CTNND2: variants seen among roughly 807,000 people sequenced by gnomAD.
The protein encoded by CTNND2 is catenin delta 2.
Under a neutral mutation model 144.4 loss-of-function variants are expected in CTNND2, and 22 were observed. That is an observed-to-expected ratio of 0.15 (90% CI 0.11 to 0.22). CTNND2 has a LOEUF of 0.22. Ranked by LOEUF, CTNND2 falls within the 10% of genes least tolerant of loss-of-function variation. CTNND2 has a pLI of 1.00. For missense variants in CTNND2, 1,353 were observed against 1,618.8 expected, an observed-to-expected ratio of 0.84 and a Z score of 2.82; for synonymous variants, 751 against 695.6, an observed-to-expected ratio of 1.08 and a Z score of -1.25.
At chr5:11,271,328 A>C (rs772621300) in intron 9 of CTNND2, among the ~76,000 whole-genome samples, 4 of 152,366 alleles carry the variant, frequency 2.6e-5, no homozygotes, top group Non-Finnish European at 5.9e-5. Flanking sequence ...AGAACTAGAT[A>C]ATCATGCATA....
At chr5:11,596,146 T>C (rs1263184224) in intron 2 of CTNND2, among the ~76,000 whole-genome samples, 1 of 152,230 alleles carries the variant, frequency 6.6e-6, no homozygotes, top group Non-Finnish European at 1.5e-5. Flanking sequence ...GCATCTATCA[T>C]ATTTTATCCT....
intron 1 of CTNND2, among the ~76,000 whole-genome samples, chr5:11,853,971 G>A (rs978381335): frequency 5.3e-5 from 8 of 152,156 alleles, no homozygotes; most frequent in Non-Finnish European, 8.8e-5. Flanking sequence ...TCATCAGACT[G>A]ATCCAAGTCT....
intron 9 of CTNND2, among the ~76,000 whole-genome samples, chr5:11,265,215 CA>C (rs1178891620): frequency 6.6e-6 from 1 of 152,122 alleles, no homozygotes; most frequent in East Asian, 1.9e-4. Context: ...AATTAAAATT[CA>C]GAGTTATTGA....
At chr5:11,748,042 C>T (rs997751171) in intron 1 of CTNND2, among the ~76,000 whole-genome samples, 2 of 152,146 alleles carry the variant, frequency 1.3e-5, no homozygotes, top group Non-Finnish European at 2.9e-5. Flanking sequence ...TATCTGCACT[C>T]AGCCCATATG....
chr5:11,737,770 A>T (rs888983436), intron 1 of CTNND2, among the ~76,000 whole-genome samples: 1 of 152,226 alleles, frequency 6.6e-6, no homozygotes, highest in East Asian at 1.9e-4. Context: ...ACAGGACTTC[A>T]TGTGCTTATA....
chr5:11,200,521 C>T (rs1737314138), intron 10 of CTNND2, among the ~76,000 whole-genome samples: 1 of 152,190 alleles, frequency 6.6e-6, no homozygotes, highest in South Asian at 2.1e-4. Context: ...CAGGAATACC[C>T]TTCTTTTACA....
intron 12 of CTNND2, among the ~76,000 whole-genome samples, chr5:11,124,091 T>C (rs1285693136): frequency 6.6e-6 from 1 of 152,200 alleles, no homozygotes; most frequent in African/African-American, 2.4e-5. Context: ...CAGAAATTGA[T>C]GGAAATTTTT....
intron 1 of CTNND2, among the ~76,000 whole-genome samples, chr5:11,764,181 C>T (rs1678211529): frequency 6.6e-6 from 1 of 151,982 alleles, no homozygotes; most frequent in African/African-American, 2.4e-5. Flanking sequence ...ATGGAAGGGT[C>T]CACGAGCCAA....
At chr5:11,759,612 T>C (rs1254773880) in intron 1 of CTNND2, among the ~76,000 whole-genome samples, 1 of 152,180 alleles carries the variant, frequency 6.6e-6, no homozygotes, top group Non-Finnish European at 1.5e-5. Flanking sequence ...ATCAGTGTCA[T>C]ACTGATCTCA....
chr5:11,861,985 C>T (rs570869615), intron 1 of CTNND2, among the ~76,000 whole-genome samples: 4 of 152,278 alleles, frequency 2.6e-5, no homozygotes, highest in African/African-American at 9.6e-5. Context: ...ATTAATAGAA[C>T]TTCCAACAAT....
At chr5:11,829,900 G>C (rs1793803960) in intron 1 of CTNND2, among the ~76,000 whole-genome samples, 1 of 152,206 alleles carries the variant, frequency 6.6e-6, no homozygotes, top group African/African-American at 2.4e-5. Context: ...ACCCTGCAAA[G>C]CCACAGGTGT....
chr5:11,346,336 T>G, intron 9 of CTNND2, 36 bp downstream of exon 9: 1 of 1,403,158 alleles, frequency 7.1e-7, no homozygotes, highest in African/African-American at 1.5e-5. Context: ...AAAACCTCTT[T>G]AGACATCATA....
chr5:11,025,437 T>C (rs1742722867), intron 16 of CTNND2, among the ~76,000 whole-genome samples: 1 of 152,144 alleles, frequency 6.6e-6, no homozygotes, highest in Non-Finnish European at 1.5e-5. Context: ...ATGTGGGACA[T>C]AGAATAATTA....
At chr5:11,044,001 G>A (rs1014159335) in intron 16 of CTNND2, among the ~76,000 whole-genome samples, 6 of 152,210 alleles carry the variant, frequency 3.9e-5, no homozygotes, top group African/African-American at 7.2e-5. Context: ...GGGGATAGAG[G>A]CTGTCATTCA....
chr5:10,976,658 C>T (rs1288986156), intron 21 of CTNND2, among the ~76,000 whole-genome samples: 1 of 152,214 alleles, frequency 6.6e-6, no homozygotes, highest in African/African-American at 2.4e-5. Context: ...TTTTCCTCAA[C>T]AGTAGAATAT....
chr5:11,774,077 A>G (rs1790105094), intron 1 of CTNND2, among the ~76,000 whole-genome samples: 1 of 152,180 alleles, frequency 6.6e-6, no homozygotes, highest in South Asian at 2.1e-4. Flanking sequence ...ATTAAGCAGA[A>G]GGAAATTCAA....
intron 3 of CTNND2, among the ~76,000 whole-genome samples, chr5:11,472,897 T>C (rs1023557636): frequency 2.6e-5 from 4 of 152,090 alleles, no homozygotes; most frequent in Admixed American, 1.3e-4. Flanking sequence ...CTGATTAAAT[T>C]TGAGCAGTGT....
At chr5:11,438,257 C>A (rs1248757863) in intron 3 of CTNND2, among the ~76,000 whole-genome samples, 4 of 152,172 alleles carry the variant, frequency 2.6e-5, no homozygotes, top group South Asian at 2.1e-4. Context: ...ATTTCCATTT[C>A]TTTTGTTCAT....
At chr5:11,109,874 T>C (rs1752783537) in intron 14 of CTNND2, among the ~76,000 whole-genome samples, 1 of 152,222 alleles carries the variant, frequency 6.6e-6, no homozygotes, top group South Asian at 2.1e-4. Flanking sequence ...TACAGGCAAA[T>C]AGCATTTTGT....
Sources: gnomAD v4.1 joint callset for allele counts (sites outside exome capture counted in the v4.1 genomes callset) on GRCh38, gnomAD v4.1.1 for gene constraint, MANE v1.5 for transcripts, NCBI Gene and HGNC (gene_info 2026-07-23, HGNC 2026-07-21) for gene names.